Variants in CAPN14 observed in about 807,000 individuals in gnomAD.
CAPN14 encodes calpain-14.
A neutral mutation model predicts 101.3 loss-of-function variants in CAPN14; 94 were observed. That is an observed-to-expected ratio of 0.93 (90% CI 0.79 to 1.10). The LOEUF is 1.10. Among genes scored for constraint, CAPN14 ranks in the 50% least tolerant of loss-of-function variants. CAPN14 has a pLI of 0.00. For missense variants in CAPN14, 837 were observed against 828.4 expected, an observed-to-expected ratio of 1.01 and a Z score of -0.13; for synonymous variants, 338 against 317.9, an observed-to-expected ratio of 1.06 and a Z score of -0.67.
intron 1 of CAPN14, among the ~76,000 whole-genome samples, chr2:31,210,821 G>A (rs1038442844): frequency 6.6e-6 from 1 of 152,144 alleles, no homozygotes; most frequent in Non-Finnish European, 1.5e-5. Context: ...TTGCCAATAA[G>A]TTGAATATAC....
At chr2:31,216,456 AG>A (rs1422650643) in intron 1 of CAPN14, among the ~76,000 whole-genome samples, 1 of 152,138 alleles carries the variant, frequency 6.6e-6, no homozygotes, top group Non-Finnish European at 1.5e-5. Flanking sequence ...GTAGGGGTAC[AG>A]GATGGATTAG....
intron 19 of CAPN14, 104 bp from the exon 20 acceptor site, chr2:31,177,246 C>A: frequency 5.9e-6 from 4 of 674,930 alleles, no homozygotes; most frequent in Non-Finnish European, 1.0e-5. Flanking sequence ...GGACCTGAAT[C>A]CTGATAGCAT....
chr2:31,202,331 C>G (rs1398613086), intron 3 of CAPN14, 79 bp from the exon 4 acceptor site: 1 of 1,073,022 alleles, frequency 9.3e-7, no homozygotes, highest in African/African-American at 1.6e-5. Flanking sequence ...TCCCAATGGC[C>G]ACCCTCTCTG....
At chr2:31,187,955 A>G (rs1462282553) in intron 14 of CAPN14, 141 bp from the exon 15 acceptor site, 2 of 699,456 alleles carry the variant, frequency 2.9e-6, no homozygotes, top group South Asian at 2.0e-5. Context: ...ACACCATAGC[A>G]TTTACAAACA....
At position 31,191,973 on chromosome 2, in the gene CAPN14, G is replaced by A. The variant is rs555142495; in HGVS notation, c.1240C>T (p.Arg414Trp). 71 of 1,551,476 alleles carry A rather than the reference G, an allele frequency of 4.6e-5. 1 individual carries two copies. The East Asian group carries it at 8.3e-4, about 18-fold the overall frequency. Residue 414 changes from arginine to tryptophan, a missense_variant, in exon 11 of 22, where the codon CGG (arginine) becomes TGG (tryptophan). Transcript: ENST00000403897. ...AAGCCAATGGCGAGGAGAGGCTTCC[G>A]CTTGCGGCACCTGTGCCTGGGCTTC... ...LQKPRHRCRKRKPLLAIGFYL... is the reference protein window; with the variant it reads ...LQKPRHRCRKWKPLLAIGFYL...
intron 6 of CAPN14, among the ~76,000 whole-genome samples, chr2:31,199,735 A>T (rs7576637): frequency 0.2 from 30,224 of 152,076 alleles, 3,335 homozygotes; most frequent in East Asian, 0.37. Flanking sequence ...TTCTGCAGTG[A>T]TCATGCCATA....
At chr2:31,213,826 G>C (rs1438288490) in intron 1 of CAPN14, among the ~76,000 whole-genome samples, 2 of 152,166 alleles carry the variant, frequency 1.3e-5, no homozygotes, top group Non-Finnish European at 2.9e-5. Context: ...TGGTTCTGTG[G>C]TTACTGATTA....
chr2:31,184,457 A>G (rs1680811790), intron 16 of CAPN14, among the ~76,000 whole-genome samples: 1 of 152,128 alleles, frequency 6.6e-6, no homozygotes, highest in Non-Finnish European at 1.5e-5. Context: ...TGAGCCCTAC[A>G]TTTTGCCAGT....
intron 1 of CAPN14, among the ~76,000 whole-genome samples, chr2:31,227,298 G>C (rs1054362068): frequency 2.0e-5 from 3 of 152,188 alleles, no homozygotes; most frequent in Admixed American, 1.3e-4. Flanking sequence ...GAGCTGCTAT[G>C]TATGAGACAG....
chr2:31,203,626 G>A (rs923602062), intron 2 of CAPN14, among the ~76,000 whole-genome samples: 4 of 152,066 alleles, frequency 2.6e-5, no homozygotes, highest in East Asian at 3.9e-4. Context: ...GTCTTTGCGC[G>A]GACACAGTTT....
At chr2:31,176,549 T>C (rs1680298756) in intron 21 of CAPN14, 38 bp downstream of exon 21, 9 of 1,525,502 alleles carry the variant, frequency 5.9e-6, no homozygotes, top group Non-Finnish European at 8.0e-6. Context: ...CACCTCTACG[T>C]AAGATGACAT....
chr2:31,183,206 C>T (rs1368806799), intron 16 of CAPN14, among the ~76,000 whole-genome samples: 2 of 151,780 alleles, frequency 1.3e-5, no homozygotes, highest in South Asian at 4.2e-4. Flanking sequence ...TAAAGACTTA[C>T]ATGTTAGACC....
intron 1 of CAPN14, among the ~76,000 whole-genome samples, chr2:31,206,056 A>T (rs1682072000): frequency 7.3e-6 from 1 of 137,828 alleles, no homozygotes; most frequent in Non-Finnish European, 1.6e-5. Flanking sequence ...TTTTTGAGAC[A>T]GAGTCTCATT....
rs1407578990 is a variant in CAPN14 at position 31,189,489 on chromosome 2, A to G, written c.1288-11T>C. 2.6e-6 allele frequency: 4 copies of G among 1,548,368 alleles called. No homozygotes were observed. The highest frequency in any genetic ancestry group is 1.2e-5 in the South Asian group (1 of 83,994). ...CTGGTCATCATGGTACTGTGGGTAGAGGACAGAAGAACAGCAAGGGAGGTG... is the reference window on the plus strand; with the variant it reads ...CTGGTCATCATGGTACTGTGGGTAGGGGACAGAAGAACAGCAAGGGAGGTG... On this transcript the variant is annotated splice_polypyrimidine_tract_variant and intron_variant, in intron 12 of 21. Coordinates refer to ENST00000403897, the MANE Select transcript of CAPN14 (RefSeq NM_001145122.2).
intron 8 of CAPN14, 95 bp downstream of exon 8, chr2:31,197,154 C>G (rs1271357044): frequency 1.2e-6 from 1 of 823,380 alleles, no homozygotes; most frequent in Non-Finnish European, 2.0e-6. Flanking sequence ...CAGCCTAAGA[C>G]CAAAGAAAGC....
chr2:31,206,290 C>G (rs1358324430), intron 1 of CAPN14, among the ~76,000 whole-genome samples: 1 of 152,142 alleles, frequency 6.6e-6, no homozygotes, highest in Non-Finnish European at 1.5e-5. Flanking sequence ...ACCCCAGGCT[C>G]CAGCACAGGG....
chr2:31,219,939 G>C (rs903931499), upstream of CAPN14, among the ~76,000 whole-genome samples: 2 of 152,160 alleles, frequency 1.3e-5, no homozygotes, highest in African/African-American at 4.8e-5. Context: ...TTCTAGAAGA[G>C]TCCAAGTGCC....
At chr2:31,196,801 T>C (rs1415322893) in intron 8 of CAPN14, among the ~76,000 whole-genome samples, 2 of 152,182 alleles carry the variant, frequency 1.3e-5, no homozygotes, top group Non-Finnish European at 2.9e-5. Flanking sequence ...CAAATCTGTC[T>C]ACCTTTGACT....
At position 31,201,915 on chromosome 2, in the gene CAPN14, G is replaced by A. The variant is rs1681804230; in HGVS notation, c.498C>T (p.Ser166=). 1 of 1,551,734 alleles carries A rather than the reference G, an allele frequency of 6.4e-7. No individual in the cohort carries two copies. The highest frequency in any genetic ancestry group is 2.0e-5 in the Admixed American group (1 of 51,008). The change falls in exon 5 of 22, where the codon TCC becomes TCT. Residue 166 remains serine, a synonymous_variant. Transcript: ENST00000403897. ...VNEAGQLVFV[S]STYKNLFWGA... ...CCCAGAACAAGTTCTTATAGGTGGA[G>A]GAGACAAAGACCAGCTGGCCAGCCT...
Sources: allele counts gnomAD v4.1 joint callset (sites outside exome capture counted in the v4.1 genomes callset), GRCh38; gene constraint gnomAD v4.1.1; transcripts MANE v1.5; gene names NCBI Gene and HGNC (gene_info 2026-07-23, HGNC 2026-07-21).